The following PIEZO2 variants were observed in gnomAD, a reference collection of about 807,000 sequenced individuals.
PIEZO2 encodes the protein piezo-type mechanosensitive ion channel component 2.
PIEZO2 carries 172 observed loss-of-function variants against 337.3 expected under a neutral mutation model. The ratio of observed to expected loss-of-function variants is 0.51; its 90% CI spans 0.45 to 0.58. PIEZO2 has a LOEUF of 0.58. Among genes scored for constraint, PIEZO2 ranks in the 20% least tolerant of loss-of-function variants. The probability of loss-of-function intolerance (pLI) is 0.00; values close to 1 mark genes in which losing one functional copy is unlikely to be tolerated. For synonymous variants in PIEZO2, 1,251 were observed against 1,228.5 expected, an observed-to-expected ratio of 1.02 and a Z score of -0.38; for missense variants, 3,028 against 3,391.3, an observed-to-expected ratio of 0.89 and a Z score of 2.66.
chr18:10,791,447 G>C, intron 13 of PIEZO2, 123 bp from the exon 14 acceptor site: 1 of 1,122,076 alleles, frequency 8.9e-7, no homozygotes, highest in Non-Finnish European at 1.2e-6. Flanking sequence ...TTTTATTGGA[G>C]ACAGAGTCAG....
chr18:10,684,729 GT>G (rs2143549835), intron 49 of PIEZO2, among the ~76,000 whole-genome samples: 1 of 152,326 alleles, frequency 6.6e-6, no homozygotes, highest in Non-Finnish European at 1.5e-5. Flanking sequence ...GCCTCCCAAA[GT>G]GCTGGGATTA....
chr18:10,916,373 C>G (rs264288), intron 3 of PIEZO2, among the ~76,000 whole-genome samples: 142,765 of 152,112 alleles, frequency 0.94, 67,108 homozygotes, highest in East Asian at 1. Context: ...GCCTGTGCTG[C>G]AGCCAACCGC....
In PIEZO2 at chr18:10,752,518, T is replaced by C. The variant is rs2037686568; in HGVS notation, c.4167+118A>G. ...GTTTTTGAATTCTGAATTTGCAGCA[T>C]CTTATTGGGGCTTTTAAGAGAGCAA... On this transcript the variant is annotated intron_variant, in intron 28 of 55. Transcript: ENST00000674853. The C allele has an allele frequency of 3.3e-6, 4 of 1,225,594 alleles. No homozygotes were observed. The Admixed American group carries it at 8.0e-5, about 24-fold the overall frequency. 75.9% of individuals were successfully genotyped at this position (1,225,594 alleles called of 1,614,324 possible).
In PIEZO2 at chr18:11,069,633, T is replaced by G. The variant is rs2038268316; in HGVS notation, c.65-3411A>C. ...CCAGAATCAAGACAAGGATGCCTAC[T>G]CTTGACACTTCCATTCAATGTGGTA... is the stretch of plus-strand genomic sequence containing the variant. On this transcript the variant is annotated intron_variant, in intron 1 of 55. Coordinates refer to ENST00000674853, the MANE Select transcript of PIEZO2 (RefSeq NM_001378183.1). The surrounding 1 kb of genome is among the most constrained non-coding windows in gnomAD (Gnocchi z 4.9). Among the ~76,000 whole-genome samples the G allele has an allele frequency of 6.6e-6, 1 of 152,182 alleles. No homozygotes were observed. The highest frequency in any genetic ancestry group is 1.5e-5 in the Non-Finnish European group (1 of 68,030).
chr18:10,865,256 G>T lies in PIEZO2; in HGVS notation c.492+5997C>A, dbSNP rs551067559. Among the ~76,000 whole-genome samples the T allele has an allele frequency of 1.9e-4, 29 of 152,336 alleles. No homozygotes were observed. In the South Asian group the frequency reaches 3.5e-3, roughly 18 times the overall value. On this transcript the variant is annotated intron_variant, in intron 5 of 55. Transcript: ENST00000674853. ...TATTCTAGGTTAATGGGAAACCAAAGAAGTGTTTTATCTAGGGAAGTGGCA... is the reference window on the plus strand; with the variant it reads ...TATTCTAGGTTAATGGGAAACCAAATAAGTGTTTTATCTAGGGAAGTGGCA...
Position 10,983,348 on chromosome 18 carries a change from G to C in PIEZO2, c.161-3688C>G, listed in dbSNP as rs144579288. The stretch of plus-strand genomic sequence containing the variant: ...AACCCAAGAGTAAAAATATTAAAGA[G>C]GATAAGTAGTTTCACTTTACCAATG... On this transcript the variant is annotated intron_variant, in intron 2 of 55. Coordinates refer to ENST00000674853, the MANE Select transcript of PIEZO2 (RefSeq NM_001378183.1). Among the ~76,000 whole-genome samples the C allele has an allele frequency of 4.2e-3, 646 of 152,206 alleles. 5 individuals carry two copies. The highest frequency in any genetic ancestry group is 6.0e-3 in the Non-Finnish European group (406 of 68,008).
intron 9 of PIEZO2, among the ~76,000 whole-genome samples, chr18:10,802,320 C>A (rs2039851652): frequency 6.6e-6 from 1 of 152,050 alleles, no homozygotes; most frequent in Admixed American, 6.5e-5. Context: ...TCTTAAAAAT[C>A]ACTGAGGGTC....
At chr18:10,840,622 T>C (rs951858380) in intron 7 of PIEZO2, among the ~76,000 whole-genome samples, 3 of 151,220 alleles carry the variant, frequency 2.0e-5, no homozygotes, top group South Asian at 2.1e-4. Context: ...AAATATCCAC[T>C]TTTGACAATA....
chr18:10,883,711 C>T (rs1222428517), intron 4 of PIEZO2, among the ~76,000 whole-genome samples: 1 of 152,092 alleles, frequency 6.6e-6, no homozygotes, highest in Non-Finnish European at 1.5e-5. Context: ...ACTTATTCTT[C>T]CTGGTGTACC....
Position 10,847,364 on chromosome 18 carries a change from C to T in PIEZO2, c.917+7989G>A, listed in dbSNP as rs184535917. On this transcript the variant is annotated intron_variant, in intron 7 of 55. Coordinates refer to ENST00000674853, the MANE Select transcript of PIEZO2 (RefSeq NM_001378183.1). The surrounding 1 kb of genome is among the most constrained non-coding windows in gnomAD (Gnocchi z 5.7). The stretch of plus-strand genomic sequence containing the variant: ...TCTCCATAAAAACTGAAAGGAAGAC[C>T]GTGGAGATGCCCTTGGTGGGCAAAA... Among the ~76,000 whole-genome samples, 4 of 152,286 alleles carry T rather than the reference C, an allele frequency of 2.6e-5. No individual in the cohort carries two copies. The highest frequency in any genetic ancestry group is 2.1e-4 in the South Asian group (1 of 4,824).
chr18:11,087,260 G>C (rs1166997518), intron 1 of PIEZO2, among the ~76,000 whole-genome samples: 1 of 152,148 alleles, frequency 6.6e-6, no homozygotes, highest in Non-Finnish European at 1.5e-5. Flanking sequence ...AAGCTGCTCA[G>C]TCTTTGAAAT....
At chr18:11,089,931 C>T (rs2039021976) in intron 1 of PIEZO2, among the ~76,000 whole-genome samples, 1 of 152,168 alleles carries the variant, frequency 6.6e-6, no homozygotes, top group South Asian at 2.1e-4. Context: ...ATTGATCTCA[C>T]GAGTTTCTAA....
Position 10,696,501 on chromosome 18 carries a change from TAAAAG to T in PIEZO2, c.6861_6865del (p.Phe2287LeufsTer9). 6.2e-7 allele frequency: 1 copy of T among 1,613,938 alleles called. No individual in the cohort carries two copies. ...GCTATACTCCGGGTGGATGAGGTTG[TAAAAG>T]AACTGTTTGATGGGCACATAGATCT... On this transcript the variant is annotated frameshift_variant, in exon 46 of 56. Transcript: ENST00000674853. LOFTEE classifies it high-confidence loss of function.
chr18:11,056,441 T>G (rs1253363706), intron 2 of PIEZO2, among the ~76,000 whole-genome samples: 2 of 152,210 alleles, frequency 1.3e-5, no homozygotes, highest in Non-Finnish European at 2.9e-5. Flanking sequence ...TGGAACTAAA[T>G]TTTTAGAAAT....
chr18:11,101,321 G>T lies in PIEZO2; in HGVS notation c.65-35099C>A, dbSNP rs1406079692. Among the ~76,000 whole-genome samples the T allele has an allele frequency of 6.6e-6, 1 of 152,216 alleles. No individual in the cohort carries two copies. The highest frequency in any genetic ancestry group is 1.5e-5 in the Non-Finnish European group (1 of 68,032). ...TCCTGAGGCCTCGAGTGCTGCACGT[G>T]GGTCCCCACGCACCACTTGCTGGCC... On this transcript the variant is annotated intron_variant, in intron 1 of 55. Coordinates refer to ENST00000674853, the MANE Select transcript of PIEZO2 (RefSeq NM_001378183.1). This position sits in a 1 kb window ranked among gnomAD's most constrained non-coding sequence, Gnocchi z 4.4.
At chr18:10,801,315 C>G (rs2039806215) in intron 10 of PIEZO2, 75 bp downstream of exon 10, 6 of 1,293,744 alleles carry the variant, frequency 4.6e-6, no homozygotes, top group Non-Finnish European at 6.3e-6. Context: ...AAAATAGACT[C>G]AAAGGAGCTA....
chr18:11,107,484 TA>T (rs2039603047), intron 1 of PIEZO2, among the ~76,000 whole-genome samples: 1 of 152,122 alleles, frequency 6.6e-6, no homozygotes, highest in East Asian at 1.9e-4. Flanking sequence ...AGTAAAACAT[TA>T]AAAAACTCAG....
chr18:11,063,320 T>C (rs993085782), intron 2 of PIEZO2, among the ~76,000 whole-genome samples: 3 of 150,764 alleles, frequency 2.0e-5, no homozygotes, highest in Non-Finnish European at 3.0e-5. Context: ...TTAGGAGATA[T>C]ACCTAATGTT....
At chr18:11,062,754 G>C (rs1258769827) in intron 2 of PIEZO2, among the ~76,000 whole-genome samples, 2 of 152,142 alleles carry the variant, frequency 1.3e-5, no homozygotes, top group African/African-American at 4.8e-5. Flanking sequence ...AAAAAGTCAG[G>C]AAACAACAGG....
Sources: gnomAD v4.1 joint callset for allele counts (sites outside exome capture counted in the v4.1 genomes callset) on GRCh38, gnomAD v4.1.1 for gene constraint, Gnocchi (gnomAD v3.1) non-coding constraint, MANE v1.5 for transcripts, NCBI Gene and HGNC (gene_info 2026-07-23, HGNC 2026-07-21) for gene names.